The following GRID2 variants were observed in gnomAD, a reference collection of about 807,000 sequenced individuals.
The protein encoded by GRID2 is glutamate receptor ionotropic, delta-2.
GRID2 carries 33 observed loss-of-function variants against 114.8 expected under a neutral mutation model. That is an observed-to-expected ratio of 0.29 (90% CI 0.22 to 0.38). The LOEUF (loss-of-function observed/expected upper bound fraction) is 0.38, where lower values mean the gene tolerates loss of function less well. Ranked by LOEUF, GRID2 falls within the 10% of genes least tolerant of loss-of-function variation. The pLI, the probability that GRID2 is intolerant of heterozygous loss-of-function variation, is 1.00. For missense variants in GRID2, 1,184 were observed against 1,257.7 expected (o/e 0.94, Z 0.89); for synonymous variants, 505 against 449.9 (o/e 1.12, Z -1.55).
intron 2 of GRID2, among the ~76,000 whole-genome samples, chr4:92,915,279 G>A (rs1748694048): frequency 6.6e-6 from 1 of 152,092 alleles, no homozygotes; most frequent in African/African-American, 2.4e-5. Flanking sequence ...ATGCCTAACA[G>A]CATAGATTAG....
intron 1 of GRID2, among the ~76,000 whole-genome samples, chr4:92,448,530 A>G (rs1037848219): frequency 1.3e-5 from 2 of 152,154 alleles, no homozygotes; most frequent in Admixed American, 6.6e-5. Flanking sequence ...TATACAAATT[A>G]AGTAACTAGC....
chr4:93,692,217 A>C (rs1241632509), intron 14 of GRID2, among the ~76,000 whole-genome samples: 2 of 152,112 alleles, frequency 1.3e-5, no homozygotes, highest in African/African-American at 2.4e-5. Flanking sequence ...GGGGGTTGCA[A>C]ATTTAGAATA....
At chr4:92,620,249 A>G (rs976262151) in intron 2 of GRID2, among the ~76,000 whole-genome samples, 2 of 151,786 alleles carry the variant, frequency 1.3e-5, no homozygotes, top group Non-Finnish European at 2.9e-5. Context: ...TGATTTATAG[A>G]TGTGCTTCAG....
chr4:92,741,051 C>A (rs910468665), intron 2 of GRID2, among the ~76,000 whole-genome samples: 3 of 152,054 alleles, frequency 2.0e-5, no homozygotes, highest in African/African-American at 7.2e-5. Flanking sequence ...GCCTATAATT[C>A]TTTTCATATG....
chr4:93,722,816 G>A lies in GRID2; in HGVS notation c.2361-46394G>A, dbSNP rs1355102202. ...AGAATTGAATACCTTTACAAACAAAGCAGCCATACCTATCTTTCTAATGCA... is the reference window on the plus strand; with the variant it reads ...AGAATTGAATACCTTTACAAACAAAACAGCCATACCTATCTTTCTAATGCA... On this transcript the variant is annotated intron_variant, in intron 14 of 15. Transcript: ENST00000282020. Among the ~76,000 whole-genome samples the A allele has an allele frequency of 2.0e-5, 3 of 152,234 alleles. No individual in the cohort carries two copies. In the South Asian group the frequency reaches 6.2e-4, roughly 32 times the overall value.
At chr4:93,631,023 G>C (rs1309416884) in intron 14 of GRID2, among the ~76,000 whole-genome samples, 1 of 152,094 alleles carries the variant, frequency 6.6e-6, no homozygotes, top group Non-Finnish European at 1.5e-5. Flanking sequence ...TAATTGTACA[G>C]ATACAGAAAC....
At chr4:92,975,801 G>A (rs189055352) in intron 2 of GRID2, among the ~76,000 whole-genome samples, 22 of 152,070 alleles carry the variant, frequency 1.4e-4, no homozygotes, top group East Asian at 3.9e-4. Flanking sequence ...AAGAGAATAC[G>A]AATTTAATAT....
chr4:92,658,457 T>G (rs1192884511), intron 2 of GRID2, among the ~76,000 whole-genome samples: 4 of 151,778 alleles, frequency 2.6e-5, no homozygotes, highest in Non-Finnish European at 5.9e-5. Flanking sequence ...TTAGCCACGC[T>G]GGTAAAGGCA....
At chr4:92,566,249 TA>T (rs1241639619) in intron 1 of GRID2, among the ~76,000 whole-genome samples, 2 of 151,964 alleles carry the variant, frequency 1.3e-5, no homozygotes, top group Non-Finnish European at 2.9e-5. Flanking sequence ...AGAAAAAAGC[TA>T]AAAAATATTA....
rs1022731892 is a variant in GRID2, at chr4:93,614,096, T to C, written c.2194-12173T>C. Among the ~76,000 whole-genome samples, 223 of 152,228 alleles carry C rather than the reference T, an allele frequency of 1.5e-3. 2 individuals are homozygous for C. Among genetic ancestry groups the C allele is most frequent in the African/African-American group, 5.3e-3 (219 of 41,560 alleles). Reference sequence around the variant, plus strand: ...TTTTCCAGGTGCGTCCGTCACCCCTTTCTTTGACTGGGAAAGGGAACTCCC... The same window carrying C: ...TTTTCCAGGTGCGTCCGTCACCCCTCTCTTTGACTGGGAAAGGGAACTCCC... On this transcript the variant is annotated intron_variant, in intron 13 of 15. Coordinates refer to ENST00000282020, the MANE Select transcript of GRID2 (RefSeq NM_001510.4).
chr4:92,691,034 C>T (rs1047779209), intron 2 of GRID2, among the ~76,000 whole-genome samples: 1 of 152,060 alleles, frequency 6.6e-6, no homozygotes, highest in Non-Finnish European at 1.5e-5. Flanking sequence ...TCTAAATTAT[C>T]ACCTGGCCTT....
At chr4:92,627,456 AAAG>A (rs1425896270) in intron 2 of GRID2, among the ~76,000 whole-genome samples, 2 of 151,374 alleles carry the variant, frequency 1.3e-5, no homozygotes, top group Non-Finnish European at 3.0e-5. Context: ...TTCTAATATA[AAAG>A]AAGTGTAACA....
At chr4:93,365,448 A>G (rs1027820121) in intron 8 of GRID2, among the ~76,000 whole-genome samples, 1 of 152,198 alleles carries the variant, frequency 6.6e-6, no homozygotes, top group East Asian at 1.9e-4. Flanking sequence ...GAGATTTACT[A>G]AAGTTATTTG....
chr4:93,015,949 T>C (rs1368729895), intron 2 of GRID2, among the ~76,000 whole-genome samples: 1 of 151,776 alleles, frequency 6.6e-6, no homozygotes, highest in African/African-American at 2.4e-5. Flanking sequence ...AAATAACAAA[T>C]ACAAACCAAA....
chr4:92,817,752 C>G (rs1741004253), intron 2 of GRID2, among the ~76,000 whole-genome samples: 1 of 151,390 alleles, frequency 6.6e-6, no homozygotes, highest in Admixed American at 6.6e-5. Context: ...ATGCTAGTCT[C>G]AAACTCCTTG....
chr4:92,831,561 C>T (rs1486935865), intron 2 of GRID2, among the ~76,000 whole-genome samples: 1 of 149,422 alleles, frequency 6.7e-6, no homozygotes, highest in Non-Finnish European at 1.5e-5. Context: ...TTTTCCTTAT[C>T]TATAAAATGA....
intron 1 of GRID2, among the ~76,000 whole-genome samples, chr4:92,549,465 C>G (rs928705702): frequency 2.6e-5 from 4 of 152,012 alleles, no homozygotes; most frequent in African/African-American, 7.2e-5. Flanking sequence ...TCACACACAC[C>G]TCCAACTATC....
chr4:93,226,658 A>T (rs1745522933), intron 7 of GRID2, among the ~76,000 whole-genome samples: 1 of 152,072 alleles, frequency 6.6e-6, no homozygotes, highest in South Asian at 2.1e-4. Context: ...GGATGGTCCC[A>T]CTTCCATAGC....
chr4:93,488,198 A>G (rs1219741864), intron 11 of GRID2, among the ~76,000 whole-genome samples: 2 of 151,872 alleles, frequency 1.3e-5, no homozygotes, highest in Non-Finnish European at 2.9e-5. Flanking sequence ...TATTTTTTCA[A>G]TTAGCTATTT....
Sources: allele counts gnomAD v4.1 joint callset (sites outside exome capture counted in the v4.1 genomes callset), GRCh38; gene constraint gnomAD v4.1.1; transcripts MANE v1.5; gene names NCBI Gene and HGNC (gene_info 2026-07-23, HGNC 2026-07-21).